Variants in SI observed in about 807,000 individuals in gnomAD.
The protein encoded by SI is sucrase-isomaltase.
SI carries 235 observed loss-of-function variants against 253.3 expected under a neutral mutation model. The observed-to-expected ratio is 0.93, with a 90% CI of 0.83 to 1.03. The LOEUF (loss-of-function observed/expected upper bound fraction) is 1.03, where lower values mean the gene tolerates loss of function less well. Among genes scored for constraint, SI ranks in the 50% least tolerant of loss-of-function variants. SI has a pLI of 0.00. For missense variants in SI, 2,442 were observed against 2,211.1 expected, an observed-to-expected ratio of 1.10 and a Z score of -2.09; for synonymous variants, 819 against 712.0, an observed-to-expected ratio of 1.15 and a Z score of -2.39.
chr3:165,000,658 C>T (rs1032031758), intron 37 of SI, among the ~76,000 whole-genome samples: 1 of 151,320 alleles, frequency 6.6e-6, no homozygotes, highest in Non-Finnish European at 1.5e-5. Flanking sequence ...AGAGGAATCT[C>T]CTCTGTAAAC....
chr3:164,992,164 C>T lies in SI; in HGVS notation c.4983+13G>A. ...CTGTTTAGTTAATTCCCCAGAATTC[C>T]TTAAATACTTACTGTATGGTAGTCA... is the stretch of plus-strand genomic sequence containing the variant. On this transcript the variant is annotated intron_variant, in intron 43 of 47. Coordinates refer to ENST00000264382, the MANE Select transcript of SI (RefSeq NM_001041.4). 6.2e-7 allele frequency: 1 copy of T among 1,604,572 alleles called. No homozygotes were observed. The highest frequency in any genetic ancestry group is 1.1e-5 in the South Asian group (1 of 90,838).
chr3:165,031,555 T>C (rs1043050997), intron 24 of SI, among the ~76,000 whole-genome samples: 1 of 150,082 alleles, frequency 6.7e-6, no homozygotes, highest in African/African-American at 2.4e-5. Flanking sequence ...ATATAAATCA[T>C]AATATGCCTA....
At chr3:165,033,297 G>A in intron 23 of SI, 98 bp downstream of exon 23, 1 of 1,025,270 alleles carries the variant, frequency 9.8e-7, no homozygotes, top group Non-Finnish European at 1.3e-6. Flanking sequence ...AAATCTGTAG[G>A]CAAATGTAAA....
chr3:165,014,471 G>T (rs1346907350), intron 33 of SI, among the ~76,000 whole-genome samples: 1 of 151,934 alleles, frequency 6.6e-6, no homozygotes, highest in Non-Finnish European at 1.5e-5. Context: ...GGATGGTCTC[G>T]ATCTCCTGAT....
Position 165,030,784 on chromosome 3 carries a change from T to A in SI, c.2820A>T (p.Arg940Ser). The change falls in exon 25 of 48, where the codon AGA becomes AGT. Residue 940 changes from arginine to serine, a missense_variant. By Grantham distance (110) the Arg-to-Ser change is moderately radical. Coordinates refer to ENST00000264382, the MANE Select transcript of SI (RefSeq NM_001041.4). The part of the protein sequence containing the change: ...QWNQIFSENE[R>S]FNCYPDADLA... ...AATCTGCATCTGGATAACAATTAAA[T>A]CTTTCATTTTCTGAGAAAATTTGAT... 2 of 1,607,798 alleles carry A rather than the reference T, an allele frequency of 1.2e-6. No homozygotes were observed. The highest frequency in any genetic ancestry group is 1.7e-6 in the Non-Finnish European group (2 of 1,176,576).
In SI at chr3:165,075,888, T is replaced by C. The variant is rs1306487127; in HGVS notation, c.118+7A>G. On this transcript the variant is annotated splice_region_variant and intron_variant, in intron 2 of 47. Transcript: ENST00000264382. ...TAATGTAGCCATGCTTTTAATGTACTACTTACCATCAACAGCAGGTGTCTT... is the reference window on the plus strand; with the variant it reads ...TAATGTAGCCATGCTTTTAATGTACCACTTACCATCAACAGCAGGTGTCTT... 16 of 1,450,352 alleles carry C rather than the reference T, an allele frequency of 1.1e-5. No homozygotes were observed. The highest frequency in any genetic ancestry group is 1.5e-5 in the Non-Finnish European group (15 of 1,031,646). The allele number at this position is 1,450,352 out of a possible 1,614,324, so 89.8% of individuals were successfully genotyped here. A position where few individuals can be genotyped will look rare whatever the true frequency, so the allele number is the denominator to read the frequency against.
At chr3:165,012,751 T>G (rs1390898476) in intron 34 of SI, among the ~76,000 whole-genome samples, 2 of 152,124 alleles carry the variant, frequency 1.3e-5, no homozygotes, top group Non-Finnish European at 2.9e-5. Flanking sequence ...AATAAAGGAA[T>G]GATTGCTTGG....
chr3:164,982,431 A>G, intron 46 of SI, 21 bp from the exon 47 acceptor site: 1 of 1,567,836 alleles, frequency 6.4e-7, no homozygotes, highest in Non-Finnish European at 8.8e-7. Flanking sequence ...AGAAAAAGGA[A>G]TAACATAAAC....
At chr3:165,065,514 G>T (rs1227609159) in intron 6 of SI, 82 bp from the exon 7 acceptor site, 3 of 192,472 alleles carry the variant, frequency 1.6e-5, no homozygotes, top group Admixed American at 1.1e-4. Context: ...CCAGATACAG[G>T]TTTATGTTAA....
chr3:165,018,187 C>G, intron 28 of SI, 121 bp from the exon 29 acceptor site: 1 of 676,274 alleles, frequency 1.5e-6, no homozygotes, highest in East Asian at 2.8e-5. Flanking sequence ...GTTTCCCAAC[C>G]TTAAACTATG....
rs769345842 is a variant in SI, at chr3:165,058,977, G to C, written c.1384C>G (p.Pro462Ala). Reference sequence around the variant, plus strand: ...TCATATTTTACCTCTCCAATAATTGGTGTACTTCCATCTGACTCATTTATC... The same window carrying C: ...TCATATTTTACCTCTCCAATAATTGCTGTACTTCCATCTGACTCATTTATC... ...VWINESDGST[P>A]IIGEVWPGLT... is the part of the protein sequence containing the mutation. Residue 462 changes from proline (P) to alanine (A), a missense_variant, in exon 12 of 48, where the codon CCA (proline) becomes GCA (alanine). Physicochemically the swap from Pro to Ala is conservative, Grantham distance 27 (BLOSUM62 -1). Coordinates refer to ENST00000264382, the MANE Select transcript of SI (RefSeq NM_001041.4). The C allele has an allele frequency of 1.2e-6, 2 of 1,610,548 alleles. No homozygotes were observed.
chr3:164,998,698 G>A (rs1375654038), intron 37 of SI, 25 bp from the exon 38 acceptor site: 1 of 1,598,408 alleles, frequency 6.3e-7, no homozygotes, highest in Admixed American at 1.7e-5. Context: ...AAGTATTTTT[G>A]AGTTTTTACA....
At chr3:165,066,776 G>C (rs1009357121) in intron 6 of SI, among the ~76,000 whole-genome samples, 1 of 151,962 alleles carries the variant, frequency 6.6e-6, no homozygotes, top group Non-Finnish European at 1.5e-5. Flanking sequence ...CATTTAATAA[G>C]AGTAATTGCT....
chr3:165,073,347 A>G (rs959278092), intron 3 of SI, among the ~76,000 whole-genome samples: 9 of 151,970 alleles, frequency 5.9e-5, no homozygotes, highest in African/African-American at 1.9e-4. Flanking sequence ...AGTAAAGAGA[A>G]TATCTGGCCA....
intron 22 of SI, among the ~76,000 whole-genome samples, chr3:165,033,847 T>A (rs535155525): frequency 2.8e-4 from 42 of 151,714 alleles, no homozygotes; most frequent in Non-Finnish European, 5.5e-4. Flanking sequence ...TGCATCTTTT[T>A]ATTTTTTTCT....
intron 15 of SI, among the ~76,000 whole-genome samples, chr3:165,048,193 G>A (rs1418911093): frequency 1.3e-5 from 2 of 151,948 alleles, no homozygotes; most frequent in African/African-American, 4.8e-5. Flanking sequence ...GTTTAATTAT[G>A]AGAAAATCGT....
chr3:165,028,222 G>A (rs752023055), intron 25 of SI, among the ~76,000 whole-genome samples: 10 of 150,920 alleles, frequency 6.6e-5, no homozygotes, highest in Admixed American at 3.3e-4. Context: ...AAAATACTTA[G>A]GTGTATACCT....
At chr3:165,041,356 C>CA in intron 17 of SI, among the ~76,000 whole-genome samples, 1 of 151,692 alleles carries the variant, frequency 6.6e-6, no homozygotes, top group East Asian at 1.9e-4. Context: ...TTTTTTTTTA[C>CA]AAAATAGAAT....
At chr3:165,055,483 A>C (rs1576913237) in intron 12 of SI, among the ~76,000 whole-genome samples, 176 bp from the exon 13 acceptor site, 2 of 152,064 alleles carry the variant, frequency 1.3e-5, no homozygotes, top group African/African-American at 2.4e-5. Flanking sequence ...GCATTTAAAG[A>C]AGAGCAGTTA....
Sources: allele counts gnomAD v4.1 joint callset (sites outside exome capture counted in the v4.1 genomes callset), GRCh38; gene constraint gnomAD v4.1.1; transcripts MANE v1.5; gene names NCBI Gene and HGNC (gene_info 2026-07-23, HGNC 2026-07-21).